The following ARHGAP17 variants were observed in gnomAD, a reference collection of about 807,000 sequenced individuals.
ARHGAP17 encodes rho GTPase-activating protein 17.
Under a neutral mutation model 99.5 loss-of-function variants are expected in ARHGAP17, and 57 were observed. The observed-to-expected ratio is 0.57, with a 90% confidence interval of 0.46 to 0.71. The LOEUF is 0.71. Ranked by LOEUF, ARHGAP17 falls within the 30% of genes least tolerant of loss-of-function variation. ARHGAP17 has a pLI of 0.00. For missense variants in ARHGAP17, 1,000 were observed against 1,122.4 expected (o/e 0.89, Z 1.56); for synonymous variants, 417 against 429.6 (o/e 0.97, Z 0.36).
rs144317514 is a variant in ARHGAP17 at position 24,921,269 on chromosome 16, G to A, written c.2516-1009C>T. On this transcript the variant is annotated intron_variant, in intron 19 of 19. Coordinates refer to ENST00000289968, the MANE Select transcript of ARHGAP17 (RefSeq NM_001006634.3). Reference sequence around the variant, plus strand: ...GCTTCTCTCGTAGATGTGGGTTCTGGCAAATTATGAGAGCCTCATTAGGTA... The same window carrying A: ...GCTTCTCTCGTAGATGTGGGTTCTGACAAATTATGAGAGCCTCATTAGGTA... Among the ~76,000 whole-genome samples, 601 of 152,302 alleles carry A rather than the reference G, an allele frequency of 3.9e-3. 2 individuals are homozygous for A. Among genetic ancestry groups the A allele is most frequent in the South Asian group, 0.013 (65 of 4,822 alleles).
At chr16:24,932,261 T>C (rs918058466) in intron 18 of ARHGAP17, among the ~76,000 whole-genome samples, 1 of 152,216 alleles carries the variant, frequency 6.6e-6, no homozygotes, top group African/African-American at 2.4e-5. Flanking sequence ...TTGCAACTTT[T>C]CTATAAATTC....
intron 7 of ARHGAP17, among the ~76,000 whole-genome samples, chr16:24,962,954 T>C (rs112823197): frequency 1.3e-5 from 2 of 152,320 alleles, no homozygotes; most frequent in African/African-American, 4.8e-5. Context: ...CCACAAGGTA[T>C]GCATAGAGAG....
intron 10 of ARHGAP17, among the ~76,000 whole-genome samples, chr16:24,953,386 C>T (rs1377565265): frequency 6.6e-6 from 1 of 152,182 alleles, no homozygotes; most frequent in East Asian, 1.9e-4. Flanking sequence ...ACCCAAATCT[C>T]ATGTGGAAGT....
intron 3 of ARHGAP17, among the ~76,000 whole-genome samples, chr16:24,974,862 C>T (rs1358259502): frequency 2.6e-5 from 4 of 152,238 alleles, no homozygotes; most frequent in South Asian, 2.1e-4. Context: ...AAAATAAAAG[C>T]GAGGCCCAGC....
intron 1 of ARHGAP17, among the ~76,000 whole-genome samples, chr16:24,997,193 C>A (rs921905492): frequency 1.3e-5 from 2 of 151,982 alleles, no homozygotes; most frequent in Non-Finnish European, 2.9e-5. Context: ...AGCACATGGA[C>A]TGGTGCAAGG....
Position 24,964,253 on chromosome 16 carries a change from T to C in ARHGAP17, c.517A>G (p.Ile173Val). 6.2e-7 allele frequency: 1 copy of C among 1,613,976 alleles called. No homozygotes were observed. The highest frequency in any genetic ancestry group is 1.3e-5 in the African/African-American group (1 of 75,046). ...GTNFQGLPSKIDTLKEEMDEA... is the reference protein window; with the variant it reads ...GTNFQGLPSKVDTLKEEMDEA... Reference sequence around the variant, plus strand: ...TCCATCTCTTCCTTTAGAGTATCTATTTTTGATGGAAGCCCCTGAAAGTTG... The same window carrying C: ...TCCATCTCTTCCTTTAGAGTATCTACTTTTGATGGAAGCCCCTGAAAGTTG... The change falls in exon 7 of 20, where the codon ATA (isoleucine) becomes GTA (valine). Residue 173 changes from isoleucine to valine, a missense_variant. Physicochemically the swap from Ile to Val is conservative, Grantham distance 29. Coordinates refer to ENST00000289968, the MANE Select transcript of ARHGAP17 (RefSeq NM_001006634.3).
intron 1 of ARHGAP17, among the ~76,000 whole-genome samples, chr16:25,006,692 G>C (rs1270399549): frequency 6.6e-6 from 1 of 152,170 alleles, no homozygotes; most frequent in Non-Finnish European, 1.5e-5. Context: ...GTAGTGAGTG[G>C]CTGTGTTCCA....
chr16:24,930,840 G>GAGT lies in ARHGAP17; in HGVS notation c.2456_2458dup (p.His819_Ser820insTyr), dbSNP rs1250819924. On this transcript the variant is annotated inframe_insertion, in exon 19 of 20. Coordinates refer to ENST00000289968, the MANE Select transcript of ARHGAP17 (RefSeq NM_001006634.3). The stretch of plus-strand genomic sequence containing the variant: ...GTTGGTGAGGCTGCTGTCCCCAGCT[G>GAGT]AGTGGACACCAGGAGGTTGGGGGGG... 2.9e-5 allele frequency: 46 copies of GAGT among 1,614,006 alleles called. No individual in the cohort carries two copies. The highest frequency in any genetic ancestry group is 3.8e-5 in the Non-Finnish European group (45 of 1,180,008).
intron 9 of ARHGAP17, 52 bp downstream of exon 9, chr16:24,959,619 C>G: frequency 6.4e-7 from 1 of 1,567,806 alleles, no homozygotes; most frequent in Non-Finnish European, 8.7e-7. Context: ...AGAACCCAGG[C>G]AGAGGTGGCA....
intron 1 of ARHGAP17, among the ~76,000 whole-genome samples, chr16:24,990,170 G>A (rs1477126512): frequency 6.6e-6 from 1 of 152,182 alleles, no homozygotes; most frequent in Non-Finnish European, 1.5e-5. Context: ...GGGAAAATGG[G>A]TAAATTTTAT....
intron 1 of ARHGAP17, among the ~76,000 whole-genome samples, chr16:25,012,764 A>G (rs1264496795): frequency 1.3e-5 from 2 of 152,242 alleles, no homozygotes; most frequent in Admixed American, 1.3e-4. Flanking sequence ...CATAATTGCC[A>G]CACCCTTAAT....
In ARHGAP17 at chr16:25,000,570, C is replaced by T. The variant is rs116568090; in HGVS notation, c.53+14639G>A. ...GTGTGTGGATGATTTTTTCTGGCAACGGGGGGGTTATTAAAACCTCTACCT... is the reference window on the plus strand; with the variant it reads ...GTGTGTGGATGATTTTTTCTGGCAATGGGGGGGTTATTAAAACCTCTACCT... On this transcript the variant is annotated intron_variant, in intron 1 of 19. Transcript: ENST00000289968. Among the ~76,000 whole-genome samples the T allele has an allele frequency of 3.0e-3, 461 of 152,082 alleles. 4 individuals are homozygous for T. The highest frequency in any genetic ancestry group is 0.011 in the African/African-American group (440 of 41,484).
rs1158423090 is a variant in ARHGAP17 at position 24,977,268 on chromosome 16, G to A, written c.145C>T (p.Arg49Cys). The change falls in exon 3 of 20, where the codon CGC (arginine) becomes TGC (cysteine). Residue 49 changes from arginine to cysteine, a missense_variant. Physicochemically the swap from Arg to Cys is radical, Grantham distance 180 (BLOSUM62 -3). Around this residue, in one of 2 missense-constraint regions of ARHGAP17, gnomAD observed 472 missense variants for 611.1 expected, o/e 0.77. Coordinates refer to ENST00000289968, the MANE Select transcript of ARHGAP17 (RefSeq NM_001006634.3). ...VRSICHHSHK[R>C]LVACFQGQHG... is the part of the protein sequence containing the mutation. ...TGGCCCTGGAAACATGCCACCAAGC[G>A]CTTATGGGAATGGTGGCATATTGAC... The A allele has an allele frequency of 8.8e-6, 14 of 1,596,804 alleles. No homozygotes were observed. Among genetic ancestry groups the A allele is most frequent in the East Asian group, 4.5e-5 (2 of 44,382 alleles).
chr16:25,009,906 A>C (rs2053599625), intron 1 of ARHGAP17, among the ~76,000 whole-genome samples: 1 of 152,164 alleles, frequency 6.6e-6, no homozygotes, highest in Non-Finnish European at 1.5e-5. Flanking sequence ...ATAAGCACAG[A>C]AGATGTTTAA....
chr16:24,954,460 C>T, intron 10 of ARHGAP17, 143 bp downstream of exon 10: 1 of 1,192,250 alleles, frequency 8.4e-7, no homozygotes, highest in East Asian at 2.5e-5. Context: ...GTGACAAAAG[C>T]TTGAAAGCCA....
intron 2 of ARHGAP17, 98 bp downstream of exon 2, chr16:24,978,865 TTAA>T: frequency 1.4e-6 from 1 of 729,634 alleles, no homozygotes; most frequent in Non-Finnish European, 2.0e-6. Flanking sequence ...CTGTTTCTGG[TTAA>T]AAAAAAAAAA....
At chr16:24,959,284 T>C in intron 9 of ARHGAP17, among the ~76,000 whole-genome samples, 1 of 152,300 alleles carries the variant, frequency 6.6e-6, no homozygotes, top group East Asian at 1.9e-4. Context: ...CAAAATATTT[T>C]CCCTAGAATG....
Position 24,920,780 on chromosome 16 carries a change from C to G in ARHGAP17, c.2516-520G>C, listed in dbSNP as rs1273576915. 3 of 153,200 alleles carry G rather than the reference C, an allele frequency of 2.0e-5. 1 individual carries two copies. The highest frequency in any genetic ancestry group is 4.4e-5 in the Non-Finnish European group (3 of 68,812). The allele number at this position is 153,200 out of a possible 1,614,324, so 9.5% of individuals were successfully genotyped here. On this transcript the variant is annotated intron_variant, in intron 19 of 19. Coordinates refer to ENST00000289968, the MANE Select transcript of ARHGAP17 (RefSeq NM_001006634.3). The stretch of plus-strand genomic sequence containing the variant: ...AGATGCCAGTGACATGCAGCCTCCT[C>G]CCCCAGTGTGACAACCGAAAGTGTC...
intron 18 of ARHGAP17, among the ~76,000 whole-genome samples, chr16:24,932,123 A>AT (rs1414401892): frequency 1.3e-5 from 2 of 149,498 alleles, no homozygotes; most frequent in African/African-American, 2.5e-5. Flanking sequence ...AAAAAAAAAA[A>AT]GTTGGGGGGG....
Sources: gnomAD v4.1 joint callset for allele counts (sites outside exome capture counted in the v4.1 genomes callset) on GRCh38, gnomAD v4.1.1 for gene constraint, gnomAD v4.1.1 regional missense constraint, MANE v1.5 for transcripts, NCBI Gene and HGNC (gene_info 2026-07-23, HGNC 2026-07-21) for gene names.